Variants in FHIT observed in about 807,000 individuals in gnomAD.
FHIT encodes fragile histidine triad diadenosine triphosphatase, also known as bis(5'-adenosyl)-triphosphatase.
In FHIT, 19 loss-of-function variants were observed where a neutral mutation model predicts 17.9. The observed-to-expected ratio is 1.06, with a 90% CI of 0.74 to 1.56. The LOEUF is 1.56. FHIT is among the 40% of genes most tolerant of loss of function. The pLI, the probability that FHIT is intolerant of heterozygous loss-of-function variation, is 0.00. For missense variants in FHIT, 248 were observed against 189.2 expected (o/e 1.31, Z -1.82); for synonymous variants, 81 against 69.7 (o/e 1.16, Z -0.81).
chr3:60,550,364 A>T (rs1395210215), intron 4 of FHIT, among the ~76,000 whole-genome samples: 1 of 152,248 alleles, frequency 6.6e-6, no homozygotes, highest in African/African-American at 2.4e-5. Context: ...AGAGAAAGAG[A>T]AGACAACTTG....
At chr3:60,663,602 A>C (rs1294430645) in intron 4 of FHIT, among the ~76,000 whole-genome samples, 2 of 151,662 alleles carry the variant, frequency 1.3e-5, no homozygotes, top group African/African-American at 4.8e-5. Flanking sequence ...TGCCCGGCTA[A>C]TTTTTTGTAT....
Position 60,495,365 on chromosome 3 carries a change from G to C in FHIT, c.103+41495C>G, listed in dbSNP as rs545122179. 3.9e-3 allele frequency among the ~76,000 whole-genome samples: 589 copies of C among 152,144 alleles called. 5 individuals are homozygous for C. Among genetic ancestry groups the C allele is most frequent in the African/African-American group, 0.013 (557 of 41,524 alleles). On this transcript the variant is annotated intron_variant, in intron 5 of 9. Coordinates refer to ENST00000492590, the MANE Select transcript of FHIT (RefSeq NM_002012.4). Reference sequence around the variant, plus strand: ...ATACTCTTAAAGAAGAAATGGTCAAGTACTTCATTTCCCAACTGTTTTCTA... The same window carrying C: ...ATACTCTTAAAGAAGAAATGGTCAACTACTTCATTTCCCAACTGTTTTCTA...
intron 4 of FHIT, among the ~76,000 whole-genome samples, chr3:60,801,088 G>T (rs1701171289): frequency 1.3e-5 from 2 of 152,072 alleles, no homozygotes; most frequent in Non-Finnish European, 1.5e-5. Context: ...GGCACCTAGG[G>T]CTCAACCTGC....
At chr3:60,121,728 A>G (rs1705265836) in intron 5 of FHIT, among the ~76,000 whole-genome samples, 1 of 151,692 alleles carries the variant, frequency 6.6e-6, no homozygotes. Context: ...ACACACACAC[A>G]CACACACACA....
intron 3 of FHIT, among the ~76,000 whole-genome samples, chr3:60,917,769 T>A (rs1553767390): frequency 6.6e-6 from 1 of 152,258 alleles, no homozygotes; most frequent in Non-Finnish European, 1.5e-5. Context: ...TTTACTTTCC[T>A]TATATCATTT....
At chr3:60,921,818 G>C (rs1252541445) in intron 3 of FHIT, among the ~76,000 whole-genome samples, 1 of 152,200 alleles carries the variant, frequency 6.6e-6, no homozygotes, top group Non-Finnish European at 1.5e-5. Context: ...GGGCAGCTTA[G>C]GGAAGGGGCA....
chr3:60,241,877 T>A (rs1177415930), intron 5 of FHIT, among the ~76,000 whole-genome samples: 1 of 152,164 alleles, frequency 6.6e-6, no homozygotes, highest in African/African-American at 2.4e-5. Context: ...TTGATCATCA[T>A]CACCTCTAGT....
intron 5 of FHIT, among the ~76,000 whole-genome samples, chr3:60,135,712 C>T (rs527709656): frequency 6.6e-6 from 1 of 152,200 alleles, no homozygotes; most frequent in East Asian, 1.9e-4. Flanking sequence ...CCTGCACAAC[C>T]CCAAAGGACA....
At chr3:60,237,189 C>T (rs1280761460) in intron 5 of FHIT, among the ~76,000 whole-genome samples, 1 of 151,608 alleles carries the variant, frequency 6.6e-6, no homozygotes. Context: ...CACAGACTGG[C>T]TTCCCAGAGT....
intron 5 of FHIT, among the ~76,000 whole-genome samples, chr3:60,145,200 G>A (rs2107312588): frequency 6.6e-6 from 1 of 152,176 alleles, no homozygotes; most frequent in South Asian, 2.1e-4. Context: ...ATAATACACA[G>A]ACCTCGGTGT....
intron 2 of FHIT, among the ~76,000 whole-genome samples, chr3:61,198,937 T>C (rs530635928): frequency 2.0e-5 from 3 of 149,096 alleles, no homozygotes; most frequent in Non-Finnish European, 4.5e-5. Context: ...ATGATGATGA[T>C]ATTAATAAGA....
At chr3:59,873,376 GC>G (rs1367745014) in intron 8 of FHIT, among the ~76,000 whole-genome samples, 14 of 152,320 alleles carry the variant, frequency 9.2e-5, no homozygotes, top group African/African-American at 3.4e-4. Flanking sequence ...ATTAAAGACA[GC>G]AGGAAACAAA....
At chr3:61,211,917 C>G (rs1389315351) in intron 1 of FHIT, among the ~76,000 whole-genome samples, 8 of 152,204 alleles carry the variant, frequency 5.3e-5, no homozygotes, top group Non-Finnish European at 1.0e-4. Context: ...GGACCTCTAG[C>G]AAACTCCAAC....
At chr3:60,780,961 T>C (rs1700366177) in intron 4 of FHIT, among the ~76,000 whole-genome samples, 1 of 152,026 alleles carries the variant, frequency 6.6e-6, no homozygotes, top group Non-Finnish European at 1.5e-5. Flanking sequence ...TTTGTCTTCT[T>C]TTTCACCCAA....
intron 3 of FHIT, among the ~76,000 whole-genome samples, chr3:61,036,380 T>A (rs2033240223): frequency 6.6e-6 from 1 of 151,682 alleles, no homozygotes; most frequent in Non-Finnish European, 1.5e-5. Flanking sequence ...CCATTCAACA[T>A]GAGATTTGAG....
intron 5 of FHIT, among the ~76,000 whole-genome samples, chr3:60,149,179 T>C (rs1013212801): frequency 6.6e-6 from 1 of 152,224 alleles, no homozygotes; most frequent in Non-Finnish European, 1.5e-5. Flanking sequence ...CTTTGTTTTC[T>C]TTGGCATTTC....
At chr3:61,140,225 T>C (rs2037041244) in intron 2 of FHIT, among the ~76,000 whole-genome samples, 1 of 152,310 alleles carries the variant, frequency 6.6e-6, no homozygotes, top group East Asian at 1.9e-4. Flanking sequence ...TCTTATTGGA[T>C]TTCTATACTT....
At chr3:60,732,831 T>G (rs574128002) in intron 4 of FHIT, among the ~76,000 whole-genome samples, 2 of 151,912 alleles carry the variant, frequency 1.3e-5, no homozygotes, top group African/African-American at 4.8e-5. Context: ...GGACTACAGA[T>G]GCGAGCTACC....
At chr3:60,856,458 T>G (rs1468780862) in intron 3 of FHIT, 1 of 152,090 alleles carries the variant, frequency 6.6e-6, no homozygotes, top group East Asian at 1.9e-4. Context: ...CAATGGCAAA[T>G]GGCAGTTGCA....
Sources: allele counts gnomAD v4.1 joint callset (sites outside exome capture counted in the v4.1 genomes callset), GRCh38; gene constraint gnomAD v4.1.1; transcripts MANE v1.5; gene names NCBI Gene and HGNC (gene_info 2026-07-23, HGNC 2026-07-21).